The following FA2H variants were observed in gnomAD, a reference collection of about 807,000 sequenced individuals.
FA2H encodes the protein fatty acid 2-hydroxylase, also known as fatty acid alpha-hydroxylase.
FA2H carries 22 observed loss-of-function variants against 44.9 expected under a neutral mutation model. That is an observed-to-expected ratio of 0.49 (90% CI 0.35 to 0.70). The LOEUF is 0.70. FA2H is among the 30% of genes least tolerant of loss of function. The pLI is 0.01. For synonymous variants in FA2H, 243 were observed against 213.2 expected (o/e 1.14, Z -1.22); for missense variants, 501 against 504.9 (o/e 0.99, Z 0.07).
intron 1 of FA2H, among the ~76,000 whole-genome samples, chr16:74,742,348 G>A (rs1292529076): frequency 1.3e-5 from 2 of 152,140 alleles, no homozygotes; most frequent in African/African-American, 4.8e-5. Context: ...CTGAGGGGGT[G>A]GGCCAGGACA....
chr16:74,745,886 G>A (rs1962413081), intron 1 of FA2H, among the ~76,000 whole-genome samples: 1 of 145,944 alleles, frequency 6.9e-6, no homozygotes, highest in Non-Finnish European at 1.5e-5. Flanking sequence ...TCTCACTGCA[G>A]CCTCTGTGTC....
chr16:74,716,803 A>G, intron 5 of FA2H: 1 of 408,424 alleles, frequency 2.4e-6, no homozygotes, highest in Non-Finnish European at 4.6e-6. Flanking sequence ...TTTGTGAGCC[A>G]GGAAGGGACC....
Position 74,774,690 on chromosome 16 carries a change from G to C in FA2H, c.66C>G (p.Ala22=), listed in dbSNP as rs941508343. 148 of 1,384,100 alleles carry C rather than the reference G, an allele frequency of 1.1e-4. No individual in the cohort carries two copies. In the Admixed American group the frequency reaches 1.4e-3, roughly 13 times the overall value. The allele number at this position is 1,384,100 out of a possible 1,614,324, so 85.7% of individuals were successfully genotyped here. The change falls in exon 1 of 7, where the codon GCC becomes GCG. Residue 22 remains alanine (A), a synonymous_variant. Coordinates refer to ENST00000219368, the MANE Select transcript of FA2H (RefSeq NM_024306.5). ...CCCCGCGGCGGACCCAGCACGCGCC[G>C]GCCGCCAGGCGCCGCTGGACCTCGG... ...SPSEVQRRLA[A]GACWVRRGAR... is the part of the protein sequence containing the mutation.
chr16:74,774,462 TG>T, intron 1 of FA2H, 23 bp downstream of exon 1: 8 of 1,494,272 alleles, frequency 5.4e-6, no homozygotes, highest in South Asian at 1.3e-5. Context: ...TGGGTTGGGG[TG>T]GGGGGCCCCG....
At chr16:74,755,843 T>C (rs1962600449) in intron 1 of FA2H, among the ~76,000 whole-genome samples, 2 of 151,996 alleles carry the variant, frequency 1.3e-5, no homozygotes, top group South Asian at 4.1e-4. Context: ...TATTTGGCTC[T>C]CTTTTCCCCC....
At chr16:74,715,817 T>TCTTC (rs201422107) in intron 6 of FA2H, among the ~76,000 whole-genome samples, 1 of 142,628 alleles carries the variant, frequency 7.0e-6, no homozygotes, top group African/African-American at 2.7e-5. Context: ...TTCTTCTTCT[T>TCTTC]TTTTTTTTTT....
intron 1 of FA2H, among the ~76,000 whole-genome samples, chr16:74,768,733 T>A (rs1962852691): frequency 6.6e-6 from 1 of 152,148 alleles, no homozygotes; most frequent in Non-Finnish European, 1.5e-5. Context: ...CCCTCCCCAT[T>A]TAATTATTCA....
At chr16:74,771,657 T>C (rs1190167963) in intron 1 of FA2H, among the ~76,000 whole-genome samples, 1 of 152,070 alleles carries the variant, frequency 6.6e-6, no homozygotes, top group Non-Finnish European at 1.5e-5. Context: ...GTTTTTCTTA[T>C]ATCTTCTTCT....
At chr16:74,769,225 TG>T in intron 1 of FA2H, among the ~76,000 whole-genome samples, 1 of 152,180 alleles carries the variant, frequency 6.6e-6, no homozygotes, top group East Asian at 1.9e-4. Flanking sequence ...CCCAAGTAGC[TG>T]GGACCACAGG....
At chr16:74,719,260 G>T in intron 4 of FA2H, 100 bp from the exon 5 acceptor site, 1 of 1,052,820 alleles carries the variant, frequency 9.5e-7, no homozygotes, top group Non-Finnish European at 1.4e-6. Flanking sequence ...GGGAGCTGCT[G>T]CCCTCTGTTG....
At chr16:74,766,170 G>A (rs1457345055) in intron 1 of FA2H, among the ~76,000 whole-genome samples, 2 of 152,070 alleles carry the variant, frequency 1.3e-5, no homozygotes, top group African/African-American at 4.8e-5. Flanking sequence ...ATAGTGGTGG[G>A]CACCTGTAAT....
intron 4 of FA2H, among the ~76,000 whole-genome samples, chr16:74,723,602 C>T (rs1271332532): frequency 2.6e-5 from 4 of 152,182 alleles, no homozygotes; most frequent in African/African-American, 9.7e-5. Context: ...CCAAAGGAGT[C>T]AGGTTCAAGT....
At chr16:74,728,833 A>G (rs1597548098) in intron 2 of FA2H, among the ~76,000 whole-genome samples, 1 of 122,864 alleles carries the variant, frequency 8.1e-6, no homozygotes, top group Admixed American at 1.1e-4. Flanking sequence ...GCCAGGCTGG[A>G]GTGCAGTGGC....
At chr16:74,734,316 G>A (rs778649877) in intron 2 of FA2H, among the ~76,000 whole-genome samples, 5 of 152,256 alleles carry the variant, frequency 3.3e-5, no homozygotes, top group East Asian at 3.8e-4. Context: ...ACTCAGGGCC[G>A]TCCAGAGGAA....
At chr16:74,764,747 A>C (rs1481414952) in intron 1 of FA2H, among the ~76,000 whole-genome samples, 1 of 151,750 alleles carries the variant, frequency 6.6e-6, no homozygotes, top group Non-Finnish European at 1.5e-5. Flanking sequence ...AAAGAATAGG[A>C]GCAATTAGAG....
At chr16:74,738,640 A>G (rs1013695227) in intron 2 of FA2H, among the ~76,000 whole-genome samples, 1 of 152,108 alleles carries the variant, frequency 6.6e-6, no homozygotes, top group Non-Finnish European at 1.5e-5. Context: ...AGCTCCTTCC[A>G]GTACCATCCA....
intron 2 of FA2H, among the ~76,000 whole-genome samples, chr16:74,729,696 G>A (rs922801955): frequency 1.3e-5 from 2 of 152,206 alleles, no homozygotes; most frequent in African/African-American, 4.8e-5. Flanking sequence ...AATGAACCTG[G>A]AGTCAGGGGA....
intron 1 of FA2H, among the ~76,000 whole-genome samples, chr16:74,748,417 G>T (rs1484151605): frequency 6.6e-6 from 1 of 152,214 alleles, no homozygotes; most frequent in Admixed American, 6.5e-5. Flanking sequence ...AGACTGGCAG[G>T]AGGCATTCCA....
At chr16:74,718,941 C>G (rs1355821696) in intron 5 of FA2H, 47 bp downstream of exon 5, 1 of 1,606,618 alleles carries the variant, frequency 6.2e-7, no homozygotes, top group African/African-American at 1.3e-5. Context: ...GCCGGGCCCT[C>G]TCGGGCTGCA....
Sources: allele counts gnomAD v4.1 joint callset (sites outside exome capture counted in the v4.1 genomes callset), GRCh38; gene constraint gnomAD v4.1.1; transcripts MANE v1.5; gene names NCBI Gene and HGNC (gene_info 2026-07-23, HGNC 2026-07-21).